Variants in DCLRE1C observed in about 807,000 individuals in gnomAD.
The protein encoded by DCLRE1C is DNA cross-link repair 1C.
A neutral mutation model predicts 61.4 loss-of-function variants in DCLRE1C; 47 were observed. The observed-to-expected ratio is 0.77, with a 90% confidence interval of 0.61 to 0.98. DCLRE1C has a LOEUF of 0.98. Ranked by LOEUF, DCLRE1C falls within the 50% of genes least tolerant of loss-of-function variation. DCLRE1C has a pLI of 0.00. For missense variants in DCLRE1C, 858 were observed against 816.0 expected (o/e 1.05, Z -0.63); for synonymous variants, 337 against 287.6 (o/e 1.17, Z -1.74).
At position 14,908,385 on chromosome 10, in the gene DCLRE1C, C is replaced by G; in HGVS notation, c.*23G>C. On this transcript the variant is annotated 3_prime_UTR_variant, in exon 14 of 14. Transcript: ENST00000378278. ...CTGTGCAGGTTTTTTAGTGGTTGCTCTAGGTTGAAACGCTTTGAATTCTTA... is the reference window on the plus strand; with the variant it reads ...CTGTGCAGGTTTTTTAGTGGTTGCTGTAGGTTGAAACGCTTTGAATTCTTA... The G allele has an allele frequency of 6.3e-7, 1 of 1,580,702 alleles. No individual in the cohort carries two copies.
exon 14 of DCLRE1C, chr10:14,898,169 T>A (rs1833724005): frequency 6.8e-6 from 1 of 146,606 alleles, no homozygotes; most frequent in South Asian, 2.2e-4. Context: ...AATTCACTAA[T>A]CCTCTCCAAA....
Position 14,905,203 on chromosome 10 carries a change from G to T in DCLRE1C, c.*3205C>A, listed in dbSNP as rs977153944. ...CTTTCCTTTTAAGATAGCTTTCATG[G>T]TTCATGCATTTGATACTACACTTGA... On this transcript the variant is annotated 3_prime_UTR_variant, in exon 14 of 14. Transcript: ENST00000378278. 6.6e-6 allele frequency among the ~76,000 whole-genome samples: 1 copy of T among 152,228 alleles called. No homozygotes were observed. Among genetic ancestry groups the T allele is most frequent in the Non-Finnish European group, 1.5e-5 (1 of 68,040 alleles).
chr10:14,908,530 C>T lies in DCLRE1C; in HGVS notation c.1957G>A (p.Val653Ile), dbSNP rs1449940704. The change falls in exon 14 of 14, where the codon GTT (valine) becomes ATT (isoleucine). Residue 653 changes from valine to isoleucine, a missense_variant. Transcript: ENST00000378278. ...ADSQSSSDFE[V>I]PSTPEAELPK... ...AACTCAGCTTCTGGAGTTGAGGGAA[C>T]TTCAAAATCAGAAGAGCTCTGGGAA... 2 of 1,614,128 alleles carry T rather than the reference C, an allele frequency of 1.2e-6. No homozygotes were observed. The highest frequency in any genetic ancestry group is 2.2e-5 in the East Asian group (1 of 44,866).
At chr10:14,947,858 G>C (rs192517473) in intron 2 of DCLRE1C, among the ~76,000 whole-genome samples, 22 of 152,208 alleles carry the variant, frequency 1.4e-4, no homozygotes, top group African/African-American at 5.3e-4. Context: ...TCAGGAGTTC[G>C]AGACCAGCCT....
At chr10:14,930,498 T>C (rs190562300) in intron 9 of DCLRE1C, among the ~76,000 whole-genome samples, 1 of 152,022 alleles carries the variant, frequency 6.6e-6, no homozygotes, top group East Asian at 1.9e-4. Flanking sequence ...AGTGGTGACA[T>C]CTTGGCTCAC....
At chr10:14,952,154 C>G (rs576018020) in intron 1 of DCLRE1C, among the ~76,000 whole-genome samples, 1 of 152,176 alleles carries the variant, frequency 6.6e-6, no homozygotes, top group Non-Finnish European at 1.5e-5. Context: ...CTCAGCCATC[C>G]TAAACACGAA....
intron 1 of DCLRE1C, 110 bp from the exon 2 acceptor site, chr10:14,949,197 G>T: frequency 1.3e-6 from 1 of 759,070 alleles, no homozygotes; most frequent in Non-Finnish European, 2.3e-6. Flanking sequence ...CATGAGGTTT[G>T]CTTTTATAAG....
At chr10:14,930,357 T>A (rs1283960330) in intron 9 of DCLRE1C, among the ~76,000 whole-genome samples, 1 of 142,320 alleles carries the variant, frequency 7.0e-6, no homozygotes, top group Non-Finnish European at 1.5e-5. Context: ...GGTCTCGAAC[T>A]CCTAGACTCA....
At chr10:14,899,699 C>T (rs201406856), downstream of DCLRE1C, 112 of 1,612,214 alleles carry the variant, frequency 6.9e-5, no homozygotes, top group African/African-American at 8.8e-4. Flanking sequence ...AGAAGACATA[C>T]GTAAATTTTA....
chr10:14,918,568 A>T (rs963947432), intron 13 of DCLRE1C, among the ~76,000 whole-genome samples: 2 of 151,864 alleles, frequency 1.3e-5, no homozygotes, highest in Non-Finnish European at 2.9e-5. Flanking sequence ...CAAAAAATTT[A>T]TCAAATTGTA....
chr10:14,901,348 C>G (rs1284315657), downstream of DCLRE1C: 3 of 1,546,406 alleles, frequency 1.9e-6, no homozygotes, highest in Middle Eastern at 1.8e-4. Context: ...GATATTTGAA[C>G]CAAACCTAAT....
At chr10:14,949,937 C>T (rs1047513011) in intron 1 of DCLRE1C, among the ~76,000 whole-genome samples, 16 of 152,024 alleles carry the variant, frequency 1.1e-4, no homozygotes, top group Admixed American at 6.6e-4. Context: ...CCCAGCTACT[C>T]GGGTGGCTGA....
At chr10:14,951,888 C>T (rs1269329670) in intron 1 of DCLRE1C, among the ~76,000 whole-genome samples, 1 of 152,116 alleles carries the variant, frequency 6.6e-6, no homozygotes, top group African/African-American at 2.4e-5. Flanking sequence ...GGAGATAGTC[C>T]ATATCATAAT....
At chr10:14,947,210 TCAAA>T (rs72262542) in intron 2 of DCLRE1C, among the ~76,000 whole-genome samples, 107,028 of 149,910 alleles carry the variant, frequency 0.71, 38,338 homozygotes, top group Admixed American at 0.76. Context: ...CGACTCTGTT[TCAAA>T]CAAACAAACA....
chr10:14,928,295 T>A (rs954977373), intron 9 of DCLRE1C, 143 bp from the exon 10 acceptor site: 1 of 722,784 alleles, frequency 1.4e-6, no homozygotes. Context: ...AATGTAGACA[T>A]GAAGAAACAA....
At position 14,953,884 on chromosome 10, in the gene DCLRE1C, C is replaced by T; in HGVS notation, c.109+18G>A. The T allele has an allele frequency of 6.2e-7, 1 of 1,613,622 alleles. No individual in the cohort carries two copies. The highest frequency in any genetic ancestry group is 8.5e-7 in the Non-Finnish European group (1 of 1,179,910). On this transcript the variant is annotated intron_variant, in intron 1 of 13. Transcript: ENST00000378278. ...CCCCCAGCGCCCCGGGAGCGGGCGA[C>T]GCGCAGCCCTCACTCACCTTTGTGG...
intron 9 of DCLRE1C, among the ~76,000 whole-genome samples, chr10:14,929,150 A>C (rs997270719): frequency 2.0e-5 from 3 of 152,132 alleles, no homozygotes; most frequent in Non-Finnish European, 4.4e-5. Flanking sequence ...TATGCCTATA[A>C]TCCCAGCACT....
chr10:14,922,355 C>T (rs1461910128), intron 12 of DCLRE1C, among the ~76,000 whole-genome samples: 1 of 151,442 alleles, frequency 6.6e-6, no homozygotes, highest in African/African-American at 2.4e-5. Flanking sequence ...GCAGGAGAAT[C>T]GTTTGAACCC....
chr10:14,954,063 C>G lies in DCLRE1C; in HGVS notation c.-53G>C. The G allele has an allele frequency of 6.2e-7, 1 of 1,608,634 alleles. No homozygotes were observed. Among genetic ancestry groups the G allele is most frequent in the Non-Finnish European group, 8.5e-7 (1 of 1,178,646 alleles). ...CCCAAAACCGCAGCTGAAGCCAAGG[C>G]CAGCCCTGACCGCGCCGCCACTTCC... On this transcript the variant is annotated 5_prime_UTR_variant, in exon 1 of 14. Transcript: ENST00000378278.
Sources: allele counts gnomAD v4.1 joint callset (sites outside exome capture counted in the v4.1 genomes callset), GRCh38; gene constraint gnomAD v4.1.1; transcripts MANE v1.5; gene names NCBI Gene and HGNC (gene_info 2026-07-23, HGNC 2026-07-21).